The following SELENOS variants were observed in gnomAD, a reference collection of about 807,000 sequenced individuals.
SELENOS encodes the protein VCP interacting membrane selenoprotein.
Under a neutral mutation model 30.2 loss-of-function variants are expected in SELENOS, and 37 were observed. The ratio of observed to expected loss-of-function variants is 1.23; its 90% confidence interval spans 0.94 to 1.61. The LOEUF is 1.61. Among genes scored for constraint, SELENOS ranks in the 40% most tolerant of loss-of-function variants. SELENOS has a pLI of 0.00. For synonymous variants in SELENOS, 119 were observed against 91.6 expected (o/e 1.30, Z -1.71); for missense variants, 289 against 231.8 (o/e 1.25, Z -1.60).
chr15:101,271,840 T>C (rs1368355839), downstream of SELENOS, among the ~76,000 whole-genome samples: 1 of 152,220 alleles, frequency 6.6e-6, no homozygotes, highest in Non-Finnish European at 1.5e-5. Context: ...TTTAAAAATA[T>C]AAAAACCTAA....
chr15:101,274,490 T>C lies in SELENOS; in HGVS notation c.414A>G (p.Glu138=), dbSNP rs1425383646. ...YKGNAKKPQE[E]DSPGPSTSSV... ...ATGAAGTGGAAGGCCCAGGACTGTC[T>C]TCCTCCTGTTTGAACACACACAGTA... Residue 138 remains glutamate (E), a synonymous_variant, in exon 5 of 6, where the codon GAA becomes GAG. Transcript: ENST00000526049. The C allele has an allele frequency of 1.2e-6, 2 of 1,608,268 alleles. No homozygotes were observed. The highest frequency in any genetic ancestry group is 1.7e-6 in the Non-Finnish European group (2 of 1,176,976).
chr15:101,275,694 C>T (rs1028888621), intron 2 of SELENOS, among the ~76,000 whole-genome samples: 4 of 152,170 alleles, frequency 2.6e-5, no homozygotes, highest in Non-Finnish European at 4.4e-5. Context: ...GTGACACCCA[C>T]AGTCTCTAGG....
At chr15:101,276,413 TA>T in intron 2 of SELENOS, 127 bp downstream of exon 2, 3 of 1,259,624 alleles carry the variant, frequency 2.4e-6, no homozygotes, top group East Asian at 2.8e-5. Flanking sequence ...CACTCCCGGC[TA>T]TTTTTTTTTT....
rs751562043 is a variant in SELENOS, at chr15:101,272,802, C to T, written c.539G>A (p.Arg180His). ...TCATCCGCCAGATGACGGGCCTCTGCGTCCAGGTCTCCAGGAGCAAGCTCC... is the reference window on the plus strand; with the variant it reads ...TCATCCGCCAGATGACGGGCCTCTGTGTCCAGGTCTCCAGGAGCAAGCTCC... ...GGGACSWRPG[R>H]RGPSSGGUG The change falls in exon 6 of 6, where the codon CGC (arginine) becomes CAC (histidine). Residue 180 changes from arginine (R) to histidine (H), a missense_variant. Arg to His is a conservative substitution (Grantham distance 29). Transcript: ENST00000526049. 2.0e-5 allele frequency: 32 copies of T among 1,610,370 alleles called. No homozygotes were observed. The East Asian group carries it at 2.2e-4, about 11-fold the overall frequency.
Position 101,276,551 on chromosome 15 carries a change from C to T in SELENOS, c.201G>A (p.Ala67=), listed in dbSNP as rs781496100. 3.0e-5 allele frequency: 48 copies of T among 1,606,326 alleles called. No individual in the cohort carries two copies. The highest frequency in any genetic ancestry group is 1.0e-4 in the Admixed American group (6 of 57,474). The change falls in exon 2 of 6, where the codon GCG becomes GCA. Residue 67 remains alanine (A), a synonymous_variant. Transcript: ENST00000526049. ...TTATCAGGCACTAACCCACAGCAGCCGCAGCTCGGTCCAGCTGCCTCTGCC... is the reference window on the plus strand; with the variant it reads ...TTATCAGGCACTAACCCACAGCAGCTGCAGCTCGGTCCAGCTGCCTCTGCC... ...ALRQRQLDRA[A]AAVEPDVVVK...
intron 5 of SELENOS, among the ~76,000 whole-genome samples, chr15:101,273,201 T>TA (rs1463983543): frequency 6.6e-6 from 1 of 151,538 alleles, no homozygotes; most frequent in Non-Finnish European, 1.5e-5. Context: ...TACATTCAAA[T>TA]AAGGGCTGTT....
At chr15:101,270,886 C>T (rs140485839), downstream of SELENOS, 113 of 152,274 alleles carry the variant, frequency 7.4e-4, no homozygotes, top group African/African-American at 2.4e-3. Flanking sequence ...AATCATTCTC[C>T]CTGACACCCT....
chr15:101,277,469 G>A lies in SELENOS; in HGVS notation c.-52C>T, dbSNP rs1369412621. ...CCTGCCGCCGCGCCTCCAGCCGGGC[G>A]CTTCCGGTGCGCTCCTACGCACACG... is the stretch of plus-strand genomic sequence containing the variant. On this transcript the variant is annotated 5_prime_UTR_variant, in exon 1 of 6. Transcript: ENST00000526049. The A allele has an allele frequency of 3.6e-6, 5 of 1,395,302 alleles. No individual in the cohort carries two copies. Among genetic ancestry groups the A allele is most frequent in the Admixed American group, 7.2e-5 (2 of 27,780 alleles). 86.4% of individuals were successfully genotyped at this position (1,395,302 alleles called of 1,614,324 possible). A position where few individuals can be genotyped will look rare whatever the true frequency, so the allele number is the denominator to read the frequency against.
downstream of SELENOS, among the ~76,000 whole-genome samples, chr15:101,272,003 T>C (rs2039273016): frequency 6.6e-6 from 1 of 152,182 alleles, no homozygotes; most frequent in Admixed American, 6.5e-5. Flanking sequence ...AGAAACCTGG[T>C]CAGCCTATGA....
chr15:101,274,921 T>A, intron 3 of SELENOS: 1 of 591,882 alleles, frequency 1.7e-6, no homozygotes, highest in Non-Finnish European at 2.9e-6. Flanking sequence ...CTGACTCCAT[T>A]CTTCTGAAAC....
At chr15:101,273,098 C>T (rs939260693) in intron 5 of SELENOS, among the ~76,000 whole-genome samples, 3 of 152,062 alleles carry the variant, frequency 2.0e-5, no homozygotes, top group Admixed American at 1.3e-4. Context: ...TCCCAACCTC[C>T]GAAACACATG....
Position 101,276,585 on chromosome 15 carries a change from C to T in SELENOS, c.167G>A (p.Arg56Lys), listed in dbSNP as rs1478679964. ...GTCCAGCTGCCTCTGCCTCAAGGCTCTTAGCCGGGCGGAAAGCTTCTGAAA... is the reference window on the plus strand; with the variant it reads ...GTCCAGCTGCCTCTGCCTCAAGGCTTTTAGCCGGGCGGAAAGCTTCTGAAA... ...VVFQKLSARL[R>K]ALRQRQLDRA... is the part of the protein sequence containing the mutation. The change falls in exon 2 of 6, where the codon AGA (arginine) becomes AAA (lysine). Residue 56 changes from arginine (R) to lysine (K), a missense_variant. Coordinates refer to ENST00000526049, the MANE Select transcript of SELENOS (RefSeq NM_018445.6). 1 of 1,613,698 alleles carries T rather than the reference C, an allele frequency of 6.2e-7. No individual in the cohort carries two copies. The highest frequency in any genetic ancestry group is 1.3e-5 in the African/African-American group (1 of 74,892).
rs922691996 is a variant in SELENOS at position 101,272,316 on chromosome 15, C to T, written c.*455G>A. On this transcript the variant is annotated 3_prime_UTR_variant, in exon 6 of 6. Transcript: ENST00000526049. The stretch of plus-strand genomic sequence containing the variant: ...AGTTTCGTTTTTACAAAGTTCTGTA[C>T]ATAAAAATAAATATACAGAAACAAA... The T allele has an allele frequency of 2.0e-5, 3 of 152,732 alleles. No homozygotes were observed. The highest frequency in any genetic ancestry group is 7.2e-5 in the African/African-American group (3 of 41,460). 9.5% of individuals were successfully genotyped at this position (152,732 alleles called of 1,614,324 possible).
chr15:101,277,433 C>G lies in SELENOS; in HGVS notation c.-16G>C. The G allele has an allele frequency of 6.8e-7, 1 of 1,461,880 alleles. No homozygotes were observed. Among genetic ancestry groups the G allele is most frequent in the Non-Finnish European group, 9.0e-7 (1 of 1,114,402 alleles). The allele number at this position is 1,461,880 out of a possible 1,614,324, so 90.6% of individuals were successfully genotyped here. A position where few individuals can be genotyped will look rare whatever the true frequency, so the allele number is the denominator to read the frequency against. On this transcript the variant is annotated 5_prime_UTR_variant, in exon 1 of 6. Coordinates refer to ENST00000526049, the MANE Select transcript of SELENOS (RefSeq NM_018445.6). The stretch of plus-strand genomic sequence containing the variant: ...GGCGTTCCATGACCGCCGCCGCCGC[C>G]GCCGCCCAGCCCTGCCGCCGCGCCT...
Position 101,274,424 on chromosome 15 carries a change from TCC to T in SELENOS, c.478_479del (p.Gly160ArgfsTer4). Reference protein sequence around the residue: ...KRKSDRKPLRGGGYNPLSGEG... With the variant: ...KRKSDRKPLRXGGYNPLSGEG... ...TTTGACATCAGTGGTGCTTACCTCC[TCC>T]CCGCAAAGGCTTTCTGTCCGATTTC... On this transcript the variant is annotated frameshift_variant, in exon 5 of 6. Coordinates refer to ENST00000526049, the MANE Select transcript of SELENOS (RefSeq NM_018445.6). LOFTEE classifies it high-confidence loss of function. 6.2e-7 allele frequency: 1 copy of T among 1,607,054 alleles called. No individual in the cohort carries two copies. The highest frequency in any genetic ancestry group is 8.5e-7 in the Non-Finnish European group (1 of 1,176,420).
chr15:101,274,550 T>A (rs1264941018), intron 4 of SELENOS, 42 bp downstream of exon 4: 1 of 1,610,014 alleles, frequency 6.2e-7, no homozygotes, highest in Non-Finnish European at 8.5e-7. Flanking sequence ...TACTTGGCAA[T>A]CTTCATCTAC....
rs116199833 is a variant in SELENOS at position 101,276,925 on chromosome 15, T to G, written c.77-250A>C. 5.4e-3 allele frequency: 2,861 copies of G among 533,870 alleles called. 68 individuals carry two copies. The highest frequency in any genetic ancestry group is 0.049 in the African/African-American group (2,581 of 52,238). 33.1% of individuals were successfully genotyped at this position (533,870 alleles called of 1,614,324 possible). On this transcript the variant is annotated intron_variant, in intron 1 of 5. Coordinates refer to ENST00000526049, the MANE Select transcript of SELENOS (RefSeq NM_018445.6). Reference sequence around the variant, plus strand: ...GTTAGAGTGTGGAGGGCACAGCAACTGGGTTTTGAAGAATGAAGAGCAACT... The same window carrying G: ...GTTAGAGTGTGGAGGGCACAGCAACGGGGTTTTGAAGAATGAAGAGCAACT...
Position 101,272,849 on chromosome 15 carries a change from G to A in SELENOS, c.492C>T (p.Asn164=). ...CTCCGCCTCCTTCACCAGACAACGG[G>A]TTATAACCTGGGAGGACAGAAAAGC... ...DRKPLRGGGY[N]PLSGEGGGAC... is the part of the protein sequence containing the mutation. The change falls in exon 6 of 6, where the codon AAC becomes AAT. Residue 164 remains asparagine, a synonymous_variant. Coordinates refer to ENST00000526049, the MANE Select transcript of SELENOS (RefSeq NM_018445.6). 1 of 1,606,254 alleles carries A rather than the reference G, an allele frequency of 6.2e-7. No homozygotes were observed. Among genetic ancestry groups the A allele is most frequent in the Non-Finnish European group, 8.5e-7 (1 of 1,176,432 alleles).
At position 101,273,136 on chromosome 15, in the gene SELENOS, A is replaced by G. The variant is rs187517282; in HGVS notation, c.485-280T>C. Among the ~76,000 whole-genome samples the G allele has an allele frequency of 2.7e-3, 412 of 152,314 alleles. 1 individual carries two copies. Among genetic ancestry groups the G allele is most frequent in the Non-Finnish European group, 4.7e-3 (317 of 68,024 alleles). Reference sequence around the variant, plus strand: ...AAAGGGTCACCAAAAAACTCTCTCAAGAGGGCCTGATTTAAGTATATGAAT... The same window carrying G: ...AAAGGGTCACCAAAAAACTCTCTCAGGAGGGCCTGATTTAAGTATATGAAT... On this transcript the variant is annotated intron_variant, in intron 5 of 5. Transcript: ENST00000526049.
Sources: allele counts gnomAD v4.1 joint callset (sites outside exome capture counted in the v4.1 genomes callset), GRCh38; gene constraint gnomAD v4.1.1; transcripts MANE v1.5; gene names NCBI Gene and HGNC (gene_info 2026-07-23, HGNC 2026-07-21).